The following RSF1 variants were observed in gnomAD, a reference collection of about 807,000 sequenced individuals.
RSF1 encodes HBV pX-associated protein 8.
A neutral mutation model predicts 145.2 loss-of-function variants in RSF1; 13 were observed. That is an observed-to-expected ratio of 0.09 (90% CI 0.06 to 0.14). The LOEUF (loss-of-function observed/expected upper bound fraction) is 0.14. Among genes scored for constraint, RSF1 ranks in the 10% least tolerant of loss-of-function variants. RSF1 has a pLI of 1.00. For synonymous variants in RSF1, 577 were observed against 592.6 expected (o/e 0.97, Z 0.38); for missense variants, 1,517 against 1,718.2 (o/e 0.88, Z 2.07).
At chr11:77,800,837 G>A (rs1304196597) in intron 1 of RSF1, among the ~76,000 whole-genome samples, 3 of 152,142 alleles carry the variant, frequency 2.0e-5, no homozygotes, top group Non-Finnish European at 4.4e-5. Flanking sequence ...ACTCCAGCTT[G>A]GGCTACAGTG....
intron 1 of RSF1, among the ~76,000 whole-genome samples, chr11:77,774,269 G>C (rs1463175220): frequency 6.6e-6 from 1 of 152,190 alleles, no homozygotes; most frequent in Non-Finnish European, 1.5e-5. Context: ...CAGGGAGAGG[G>C]GGAGTAAGCA....
chr11:77,695,114 C>A (rs1960250484), intron 7 of RSF1, among the ~76,000 whole-genome samples: 1 of 152,162 alleles, frequency 6.6e-6, no homozygotes, highest in Non-Finnish European at 1.5e-5. Context: ...AAGATAAATG[C>A]AACCCACACT....
chr11:77,734,920 A>G (rs1489687196), intron 4 of RSF1: 1 of 1,582,926 alleles, frequency 6.3e-7, no homozygotes, highest in East Asian at 2.2e-5. Context: ...AGACATGGAC[A>G]GGTAAACGTA....
At chr11:77,857,961 T>C in the RSF1 span, among the ~76,000 whole-genome samples, 2 of 152,146 alleles carry the variant, frequency 1.3e-5, no homozygotes, top group Non-Finnish European at 2.9e-5. Context: ...CCCAAAGTGC[T>C]GGGATTACAG....
intron 9 of RSF1, among the ~76,000 whole-genome samples, chr11:77,688,605 C>A (rs1960070464): frequency 6.6e-6 from 1 of 152,084 alleles, no homozygotes; most frequent in South Asian, 2.1e-4. Context: ...TTCCAAATAT[C>A]TGAAACACAA....
At position 77,664,102 on chromosome 11, in the gene RSF1, A is replaced by AT. The variant is rs895567350; in HGVS notation, c.*2814dup. The AT allele has an allele frequency of 6.6e-6, 1 of 152,134 alleles. No homozygotes were observed. The highest frequency in any genetic ancestry group is 1.5e-5 in the Non-Finnish European group (1 of 68,030). The allele number at this position is 152,134 out of a possible 1,614,324, so 9.4% of individuals were successfully genotyped here. Reference sequence around the variant, plus strand: ...TATACAGAACATTTCGTTTTCTAAAATTTTTTAACTTCTTCAGAATACCTT... The same window carrying AT: ...TATACAGAACATTTCGTTTTCTAAAATTTTTTTAACTTCTTCAGAATACCTT... On this transcript the variant is annotated 3_prime_UTR_variant, in exon 16 of 16. Coordinates refer to ENST00000308488, the MANE Select transcript of RSF1 (RefSeq NM_016578.4).
intron 5 of RSF1, among the ~76,000 whole-genome samples, chr11:77,712,506 G>A (rs1960711645): frequency 6.6e-6 from 1 of 152,096 alleles, no homozygotes; most frequent in Admixed American, 6.6e-5. Context: ...ATGTCAACTG[G>A]TTATTTCACC....
the RSF1 span, among the ~76,000 whole-genome samples, chr11:77,854,593 T>TG: frequency 2.0e-5 from 3 of 152,246 alleles, no homozygotes; most frequent in African/African-American, 7.2e-5. Context: ...GTAACACTGA[T>TG]GCAAGGGGTG....
At chr11:77,819,490 C>G (rs1314817614) in intron 1 of RSF1, among the ~76,000 whole-genome samples, 1 of 152,198 alleles carries the variant, frequency 6.6e-6, no homozygotes, top group Non-Finnish European at 1.5e-5. Context: ...TGGGGCCGGG[C>G]AGAGCATGCG....
chr11:77,675,206 T>A lies in RSF1; in HGVS notation c.3392A>T (p.Glu1131Val), dbSNP rs1157101191. Residue 1131 changes from glutamate to valine, a missense_variant, in exon 14 of 16, where the codon GAA (glutamate) becomes GTA (valine). This residue lies in a region of RSF1 where 231 missense variants were observed against 276.6 expected (regional missense o/e 0.84). Transcript: ENST00000308488. ...ACTGTCATCATTAGATGGCGGATCT[T>A]CTTCACTTTCATCTGGGTTTTCATC... ...VSDENPDESE[E>V]DPPSNDDSDT... 1.2e-6 allele frequency: 2 copies of A among 1,614,106 alleles called. No homozygotes were observed. Among genetic ancestry groups the A allele is most frequent in the Admixed American group, 3.3e-5 (2 of 60,018 alleles).
chr11:77,799,423 G>C (rs1338422983), intron 1 of RSF1, among the ~76,000 whole-genome samples: 2 of 149,408 alleles, frequency 1.3e-5, no homozygotes, highest in Non-Finnish European at 3.0e-5. Flanking sequence ...GATCGCTTGA[G>C]ATCAGGAGAG....
At chr11:77,863,281 G>A in the RSF1 span, among the ~76,000 whole-genome samples, 2 of 152,148 alleles carry the variant, frequency 1.3e-5, no homozygotes, top group African/African-American at 4.8e-5. Context: ...GGGCGCTCAG[G>A]AGCACAGCAG....
chr11:77,814,017 A>G (rs1471718005), intron 1 of RSF1, among the ~76,000 whole-genome samples: 1 of 151,926 alleles, frequency 6.6e-6, no homozygotes, highest in Non-Finnish European at 1.5e-5. Flanking sequence ...CCTGACCAAC[A>G]TGGCAAAACC....
intron 5 of RSF1, among the ~76,000 whole-genome samples, chr11:77,709,964 T>A (rs1205259450): frequency 1.3e-5 from 2 of 152,126 alleles, no homozygotes; most frequent in Non-Finnish European, 2.9e-5. Context: ...GGTACTTACT[T>A]GACAAAGGTA....
chr11:77,841,733 C>G, the RSF1 span, among the ~76,000 whole-genome samples: 6 of 152,164 alleles, frequency 3.9e-5, no homozygotes, highest in African/African-American at 1.4e-4. Context: ...GCTTATAAAG[C>G]CCCCTGTGGC....
At chr11:77,697,376 G>T (rs1960300917) in intron 7 of RSF1, among the ~76,000 whole-genome samples, 1 of 149,946 alleles carries the variant, frequency 6.7e-6, no homozygotes, top group Non-Finnish European at 1.5e-5. Context: ...AACAGCACAG[G>T]TGCATAGAAT....
chr11:77,675,341 G>T (rs1216900605), intron 13 of RSF1, 85 bp from the exon 14 acceptor site: 2 of 1,012,000 alleles, frequency 2.0e-6, no homozygotes, highest in African/African-American at 1.6e-5. Context: ...ATTCTGGTGA[G>T]CCCAGTGAAT....
chr11:77,686,647 T>C (rs1056266468), intron 9 of RSF1, among the ~76,000 whole-genome samples: 3 of 152,044 alleles, frequency 2.0e-5, no homozygotes, highest in Non-Finnish European at 4.4e-5. Context: ...TCATGGTCTT[T>C]TTAGAGATAG....
intron 3 of RSF1, among the ~76,000 whole-genome samples, chr11:77,744,343 A>G (rs1350865759): frequency 6.7e-6 from 1 of 149,778 alleles, no homozygotes; most frequent in African/African-American, 2.5e-5. Context: ...TATTTTTTAA[A>G]GACAAGAGTC....
Sources: gnomAD v4.1 joint callset for allele counts (sites outside exome capture counted in the v4.1 genomes callset) on GRCh38, gnomAD v4.1.1 for gene constraint, gnomAD v4.1.1 regional missense constraint, MANE v1.5 for transcripts, NCBI Gene and HGNC (gene_info 2026-07-23, HGNC 2026-07-21) for gene names.